MTAP: variants seen among roughly 807,000 people sequenced by gnomAD.
MTAP encodes S-methyl-5'-thioadenosine phosphorylase.
MTAP carries 33 observed loss-of-function variants against 33.6 expected under a neutral mutation model. The observed-to-expected ratio is 0.98, with a 90% CI of 0.74 to 1.31. The LOEUF (loss-of-function observed/expected upper bound fraction) is 1.31. MTAP is among the 40% of genes most tolerant of loss of function. MTAP has a pLI of 0.00. For missense variants in MTAP, 367 were observed against 360.0 expected (o/e 1.02, Z -0.16); for synonymous variants, 148 against 125.7 (o/e 1.18, Z -1.19).
At chr9:21,805,427 A>G (rs530086937) in intron 1 of MTAP, among the ~76,000 whole-genome samples, 18 of 152,316 alleles carry the variant, frequency 1.2e-4, no homozygotes, top group Admixed American at 3.9e-4. Flanking sequence ...CTTCAAGTTT[A>G]TATTCTAGTC....
At chr9:21,910,987 T>C (rs2118845514) in intron 1 of MTAP, among the ~76,000 whole-genome samples, 1 of 152,156 alleles carries the variant, frequency 6.6e-6, no homozygotes, top group Non-Finnish European at 1.5e-5. Context: ...AATCCTAGTC[T>C]CTCATAAAAC....
downstream of MTAP, chr9:21,934,312 T>C (rs990239170): frequency 6.6e-6 from 1 of 152,216 alleles, no homozygotes; most frequent in Admixed American, 6.5e-5. This position sits in a 1 kb window ranked among gnomAD's most constrained non-coding sequence, Gnocchi z 5.0. Flanking sequence ...GTCTACCTGT[T>C]AAGTTAGGTT....
At chr9:21,811,561 TG>T (rs1023173681) in intron 1 of MTAP, 1 of 367,838 alleles carries the variant, frequency 2.7e-6, no homozygotes, top group Non-Finnish European at 5.4e-6. Context: ...TAGAACAGAT[TG>T]TGCGTGAATA....
intron 1 of MTAP, among the ~76,000 whole-genome samples, chr9:21,915,949 C>A (rs1015009456): frequency 6.6e-6 from 1 of 151,442 alleles, no homozygotes; most frequent in African/African-American, 2.4e-5. Flanking sequence ...ATGGAAGGAT[C>A]ACTTGAGTCC....
In MTAP at chr9:21,883,699, T is replaced by A. The variant is rs1244199321; in HGVS notation, c.147+28829T>A. 2.0e-5 allele frequency among the ~76,000 whole-genome samples: 3 copies of A among 149,888 alleles called. No individual in the cohort carries two copies. The East Asian group carries it at 5.9e-4, about 29-fold the overall frequency. ...TGGCCACTAGATAGCAAAAAAAAAA[T>A]CTGCTGATGTAGCCAGACCACAGGT... On this transcript the variant is annotated intron_variant, in intron 1 of 1. Transcript: ENST00000577563.
chr9:21,927,494 T>C (rs1221625482), intron 1 of MTAP, among the ~76,000 whole-genome samples: 1 of 152,162 alleles, frequency 6.6e-6, no homozygotes, highest in Non-Finnish European at 1.5e-5. Context: ...CCAGCCTCCT[T>C]ACTGCCACTA....
intron 1 of MTAP, chr9:21,813,646 T>C (rs1824405885): frequency 6.6e-6 from 1 of 152,214 alleles, no homozygotes. Context: ...ATGCCCTGGC[T>C]CAGGGAACAC....
chr9:21,804,403 A>G (rs536346838), intron 1 of MTAP, among the ~76,000 whole-genome samples: 1 of 152,310 alleles, frequency 6.6e-6, no homozygotes, highest in Admixed American at 6.5e-5. Context: ...TTTCCCTTCA[A>G]ATTAATGCAG....
chr9:21,836,315 T>C (rs931411198), intron 4 of MTAP, among the ~76,000 whole-genome samples: 9 of 152,170 alleles, frequency 5.9e-5, no homozygotes, highest in Admixed American at 2.6e-4. Context: ...AATTATCAGG[T>C]GCATATTAAC....
At chr9:21,856,774 C>T (rs1825652770) in intron 6 of MTAP, among the ~76,000 whole-genome samples, 1 of 152,162 alleles carries the variant, frequency 6.6e-6, no homozygotes, top group African/African-American at 2.4e-5. Flanking sequence ...TTATTTCAGC[C>T]AATCGTGTGT....
chr9:21,828,980 T>C lies in MTAP; in HGVS notation c.348-8928T>C, dbSNP rs573127382. On this transcript the variant is annotated intron_variant, in intron 4 of 7. Transcript: ENST00000644715. Reference sequence around the variant, plus strand: ...ATTCATTATGTGTTTGAACATCTCATAGCAGAAGATGCCTTGCATATATAT... The same window carrying C: ...ATTCATTATGTGTTTGAACATCTCACAGCAGAAGATGCCTTGCATATATAT... 4.6e-5 allele frequency among the ~76,000 whole-genome samples: 7 copies of C among 152,334 alleles called. No individual in the cohort carries two copies. In the South Asian group the frequency reaches 1.2e-3, roughly 27 times the overall value.
chr9:21,894,872 A>G (rs896526481), intron 1 of MTAP, among the ~76,000 whole-genome samples: 9 of 152,106 alleles, frequency 5.9e-5, no homozygotes, highest in Non-Finnish European at 1.2e-4. Flanking sequence ...CAGCATTTCA[A>G]TACATCAATA....
intron 4 of MTAP, among the ~76,000 whole-genome samples, chr9:21,820,124 T>C (rs898583713): frequency 2.0e-5 from 3 of 152,220 alleles, no homozygotes; most frequent in African/African-American, 7.2e-5. Context: ...TTTCTTTTGC[T>C]GTGCAGAAGC....
intron 5 of MTAP, among the ~76,000 whole-genome samples, chr9:21,839,102 G>A (rs965020889): frequency 1.4e-4 from 21 of 151,856 alleles, no homozygotes; most frequent in Non-Finnish European, 2.1e-4. Context: ...CGAGTACTGA[G>A]GGAAGCCATT....
downstream of MTAP, among the ~76,000 whole-genome samples, chr9:21,868,758 C>T (rs12553901): frequency 0.22 from 33,084 of 152,006 alleles, 4,010 homozygotes; most frequent in East Asian, 0.4. Flanking sequence ...CCCCCCTCTG[C>T]TGCTCTCTCC....
chr9:21,852,030 A>C (rs1394119431), intron 5 of MTAP, among the ~76,000 whole-genome samples: 1 of 152,144 alleles, frequency 6.6e-6, no homozygotes, highest in African/African-American at 2.4e-5. Flanking sequence ...CCTCTAGAGA[A>C]CTCTGACTAA....
chr9:21,881,300 C>T (rs1396563543), intron 1 of MTAP, among the ~76,000 whole-genome samples: 1 of 151,934 alleles, frequency 6.6e-6, no homozygotes, highest in African/African-American at 2.4e-5. Context: ...ACCATGAAAG[C>T]ACTAGAAGGA....
intron 2 of MTAP, 170 bp downstream of exon 2, chr9:21,815,689 G>C (rs1824456893): frequency 3.2e-6 from 2 of 618,926 alleles, no homozygotes; most frequent in East Asian, 5.9e-5. Flanking sequence ...CATCAGCTGA[G>C]AAGGTGTCTG....
intron 1 of MTAP, among the ~76,000 whole-genome samples, chr9:21,888,504 G>T (rs1356708297): frequency 2.0e-5 from 3 of 152,078 alleles, no homozygotes; most frequent in African/African-American, 7.2e-5. Flanking sequence ...AACCTCCAGT[G>T]TTAGGCGTAT....
Sources: gnomAD v4.1 joint callset for allele counts (sites outside exome capture counted in the v4.1 genomes callset) on GRCh38, gnomAD v4.1.1 for gene constraint, Gnocchi (gnomAD v3.1) non-coding constraint, MANE v1.5 for transcripts, NCBI Gene and HGNC (gene_info 2026-07-23, HGNC 2026-07-21) for gene names.